The following SMU1 variants were observed in gnomAD, a reference collection of about 807,000 sequenced individuals.
SMU1 encodes the protein WD40 repeat-containing protein SMU1.
SMU1 carries 2 observed loss-of-function variants against 62.0 expected under a neutral mutation model. That is an observed-to-expected ratio of 0.03 (90% confidence interval 0.01 to 0.10). SMU1 has a LOEUF of 0.10. Ranked by LOEUF, SMU1 falls within the 10% of genes least tolerant of loss-of-function variation. The pLI, the probability that SMU1 is intolerant of heterozygous loss-of-function variation, is 1.00. For missense variants in SMU1, 227 were observed against 622.1 expected (o/e 0.36, Z 6.76); for synonymous variants, 188 against 212.4 (o/e 0.89, Z 1.00).
chr9:33,045,283 T>C lies in SMU1; in HGVS notation c.*2010A>G, dbSNP rs1309073638. 1 of 152,232 alleles carries C rather than the reference T, an allele frequency of 6.6e-6. No homozygotes were observed. Among genetic ancestry groups the C allele is most frequent in the Non-Finnish European group, 1.5e-5 (1 of 68,028 alleles). 9.4% of individuals were successfully genotyped at this position (152,232 alleles called of 1,614,324 possible). A position where few individuals can be genotyped will look rare whatever the true frequency, so the allele number is the denominator to read the frequency against. ...TAAACTTCTCTTAAGTGAACGTGTC[T>C]TTCCACTGGGATGACTGTCTACATG... On this transcript the variant is annotated 3_prime_UTR_variant, in exon 12 of 12. Transcript: ENST00000397149.
chr9:33,055,217 C>G (rs1352551568), intron 9 of SMU1, among the ~76,000 whole-genome samples: 1 of 152,048 alleles, frequency 6.6e-6, no homozygotes, highest in Non-Finnish European at 1.5e-5. Context: ...TGCTCTGTTG[C>G]CCAGGCTGAA....
rs1169381056 is a variant in SMU1 at position 33,043,152 on chromosome 9, C to G, written c.*4141G>C. The G allele has an allele frequency of 6.6e-6, 1 of 152,180 alleles. No homozygotes were observed. The highest frequency in any genetic ancestry group is 2.1e-4 in the South Asian group (1 of 4,834). 9.4% of individuals were successfully genotyped at this position (152,180 alleles called of 1,614,324 possible). A position where few individuals can be genotyped will look rare whatever the true frequency, so the allele number is the denominator to read the frequency against. On this transcript the variant is annotated 3_prime_UTR_variant, in exon 12 of 12. Coordinates refer to ENST00000397149, the MANE Select transcript of SMU1 (RefSeq NM_018225.3). Reference sequence around the variant, plus strand: ...CCGGCCTATTGTAAGTTTTAAACAACCTCAGACCAGGGAACTTCCTCACTT... The same window carrying G: ...CCGGCCTATTGTAAGTTTTAAACAAGCTCAGACCAGGGAACTTCCTCACTT...
chr9:33,062,309 G>A, intron 4 of SMU1, 132 bp from the exon 5 acceptor site: 2 of 1,231,060 alleles, frequency 1.6e-6, no homozygotes, highest in Non-Finnish European at 2.2e-6. Flanking sequence ...AACTATTTTT[G>A]GCCATCCAAA....
intron 5 of SMU1, 123 bp from the exon 6 acceptor site, chr9:33,060,707 T>A: frequency 2.9e-5 from 28 of 958,938 alleles, no homozygotes; most frequent in Non-Finnish European, 3.7e-5. Context: ...TATTATAGAG[T>A]ATTGGAGGGG....
intron 9 of SMU1, among the ~76,000 whole-genome samples, chr9:33,054,824 T>C (rs551504573): frequency 2.5e-4 from 38 of 152,308 alleles, no homozygotes; most frequent in African/African-American, 8.7e-4. Context: ...TGAAGCCCAG[T>C]TGCTTAGAAG....
In SMU1 at chr9:33,049,764, C is replaced by CCACACACACACA. The variant is rs61036431; in HGVS notation, c.1291-1518_1291-1507dup. The stretch of plus-strand genomic sequence containing the variant: ...TCAGCAACATGGCATGACCCCATTT[C>CCACACACACACA]CACACACACACACACACACACACAA... On this transcript the variant is annotated intron_variant, in intron 10 of 11. Transcript: ENST00000397149. 8.0e-3 allele frequency among the ~76,000 whole-genome samples: 1,192 copies of CCACACACACACA among 148,496 alleles called. 7 individuals are homozygous for CCACACACACACA. The highest frequency in any genetic ancestry group is 9.7e-3 in the Non-Finnish European group (652 of 67,140).
At chr9:33,069,771 C>T (rs117469052) in intron 3 of SMU1, among the ~76,000 whole-genome samples, 5,990 of 152,100 alleles carry the variant, frequency 0.039, 148 homozygotes, top group East Asian at 0.11. Flanking sequence ...CATTGCACTC[C>T]AGCCGGGGAG....
At chr9:33,049,892 C>A (rs1230300469) in intron 10 of SMU1, among the ~76,000 whole-genome samples, 1 of 152,128 alleles carries the variant, frequency 6.6e-6, no homozygotes, top group East Asian at 1.9e-4. Flanking sequence ...GAGCTATGAT[C>A]ATGCCACTGC....
intron 8 of SMU1, 96 bp from the exon 9 acceptor site, chr9:33,056,335 CAT>C: frequency 7.9e-7 from 1 of 1,265,158 alleles, no homozygotes; most frequent in Non-Finnish European, 1.1e-6. Flanking sequence ...TACAGAAGCT[CAT>C]GTTATAATAT....
At chr9:33,070,963 A>G (rs1276388745) in intron 3 of SMU1, among the ~76,000 whole-genome samples, 1 of 152,240 alleles carries the variant, frequency 6.6e-6, no homozygotes, top group Non-Finnish European at 1.5e-5. Context: ...ATTTGATAGC[A>G]CAACAGGGTG....
intron 10 of SMU1, among the ~76,000 whole-genome samples, chr9:33,051,204 A>C (rs1839245420): frequency 6.6e-6 from 1 of 152,184 alleles, no homozygotes; most frequent in Admixed American, 6.5e-5. Context: ...TCTTATTAAG[A>C]AGTCAAAATG....
At chr9:33,075,158 C>T (rs1354259838) in intron 1 of SMU1, among the ~76,000 whole-genome samples, 1 of 152,166 alleles carries the variant, frequency 6.6e-6, no homozygotes, top group Non-Finnish European at 1.5e-5. Context: ...GGGCAGATCA[C>T]AAGGTCAGGA....
At chr9:33,074,891 A>G (rs545572424) in intron 1 of SMU1, among the ~76,000 whole-genome samples, 1 of 150,996 alleles carries the variant, frequency 6.6e-6, no homozygotes, top group East Asian at 2.0e-4. Flanking sequence ...CTCTCACCTC[A>G]GCCTCCCGAG....
intron 1 of SMU1, among the ~76,000 whole-genome samples, chr9:33,075,428 C>T (rs1400509913): frequency 6.6e-6 from 1 of 152,036 alleles, no homozygotes; most frequent in Non-Finnish European, 1.5e-5. Context: ...CTTTTTCTCT[C>T]ATGGCCCCTT....
chr9:33,067,787 C>T (rs1839439410), intron 4 of SMU1, among the ~76,000 whole-genome samples: 1 of 152,070 alleles, frequency 6.6e-6, no homozygotes, highest in Non-Finnish European at 1.5e-5. Flanking sequence ...GCATGGGCCA[C>T]CACGCCAGGC....
intron 9 of SMU1, 121 bp downstream of exon 9, chr9:33,055,992 C>T (rs1001936922): frequency 5.1e-5 from 51 of 1,007,104 alleles, no homozygotes; most frequent in Middle Eastern, 7.0e-4. Context: ...TCAATTACAG[C>T]TAAAATAGCC....
rs568796792 is a variant in SMU1 at position 33,074,457 on chromosome 9, A to C, written c.27-651T>G. 5.4e-3 allele frequency among the ~76,000 whole-genome samples: 816 copies of C among 152,150 alleles called. 7 individuals are homozygous for C. The highest frequency in any genetic ancestry group is 0.018 in the African/African-American group (765 of 41,518). On this transcript the variant is annotated intron_variant, in intron 1 of 11. Transcript: ENST00000397149. ...CTACACACACACACACACAAAAAAA[A>C]AAATTAGCTAGGCATGATAGTGTGT...
At chr9:33,054,007 G>A (rs112106228) in intron 9 of SMU1, among the ~76,000 whole-genome samples, 122 of 152,268 alleles carry the variant, frequency 8.0e-4, no homozygotes, top group African/African-American at 2.8e-3. Context: ...ACAGGGGGTC[G>A]GCCATGGTGG....
intron 7 of SMU1, among the ~76,000 whole-genome samples, chr9:33,057,296 A>G (rs1839314005): frequency 6.6e-6 from 1 of 151,888 alleles, no homozygotes; most frequent in Admixed American, 6.6e-5. Flanking sequence ...CATCCCCTTA[A>G]AAAAAAAGTT....
Sources: allele counts gnomAD v4.1 joint callset (sites outside exome capture counted in the v4.1 genomes callset), GRCh38; gene constraint gnomAD v4.1.1; transcripts MANE v1.5; gene names NCBI Gene and HGNC (gene_info 2026-07-23, HGNC 2026-07-21).